Variants in LACTBL1 observed in about 807,000 individuals in gnomAD.
LACTBL1 encodes the protein beta-lactamase-like protein 1.
A neutral mutation model predicts 39.6 loss-of-function variants in LACTBL1; 29 were observed. That is an observed-to-expected ratio of 0.73 (90% CI 0.55 to 1.00). The LOEUF is 1.00. Ranked by LOEUF, LACTBL1 falls within the 50% of genes least tolerant of loss-of-function variation. The pLI, the probability that LACTBL1 is intolerant of heterozygous loss-of-function variation, is 0.00. For synonymous variants in LACTBL1, 361 were observed against 360.7 expected, an observed-to-expected ratio of 1.00 and a Z score of -0.01; for missense variants, 711 against 748.5, an observed-to-expected ratio of 0.95 and a Z score of 0.59.
intron 1 of LACTBL1, among the ~76,000 whole-genome samples, chr1:22,964,257 A>T (rs1187144687): frequency 6.6e-6 from 1 of 152,210 alleles, no homozygotes; most frequent in Non-Finnish European, 1.5e-5. Flanking sequence ...AAATTCTGTC[A>T]GCTCCTTCCA....
chr1:22,958,213 G>A (rs1224845668), intron 4 of LACTBL1, among the ~76,000 whole-genome samples: 2 of 151,906 alleles, frequency 1.3e-5, no homozygotes. Context: ...AGCCTCCCGA[G>A]TAGCTAAGAC....
At chr1:22,956,615 A>G (rs1052552076) in intron 4 of LACTBL1, among the ~76,000 whole-genome samples, 4 of 152,094 alleles carry the variant, frequency 2.6e-5, no homozygotes, top group African/African-American at 4.8e-5. Context: ...ACCTGTGTCA[A>G]TCACAGCAAA....
exon 6 of LACTBL1, chr1:22,953,678 A>C: frequency 7.8e-7 from 1 of 1,279,196 alleles, no homozygotes; most frequent in Non-Finnish European, 9.8e-7. Context: ...GCGCCCGGGC[A>C]GGCCAGCAGC....
chr1:22,953,641 G>A (rs1447925805), exon 6 of LACTBL1: 1 of 1,270,814 alleles, frequency 7.9e-7, no homozygotes, highest in Non-Finnish European at 9.9e-7. Flanking sequence ...GAACTCCCAC[G>A]GCGTGCCCGT....
chr1:22,962,080 C>G (rs1324723949), intron 2 of LACTBL1, among the ~76,000 whole-genome samples: 3 of 152,122 alleles, frequency 2.0e-5, no homozygotes, highest in Non-Finnish European at 4.4e-5. Flanking sequence ...GTCTCCTTCT[C>G]TATAGATAGG....
chr1:22,971,575 C>T, the LACTBL1 span, among the ~76,000 whole-genome samples: 1 of 152,168 alleles, frequency 6.6e-6, no homozygotes, highest in African/African-American at 2.4e-5. Flanking sequence ...CTCATGCTCA[C>T]GGCCCACTCT....
the LACTBL1 span, chr1:22,972,366 C>T: frequency 1.0e-6 from 1 of 985,046 alleles, no homozygotes; most frequent in Non-Finnish European, 1.2e-6. Context: ...CAGGTCTACA[C>T]CACAGGAGAT....
At chr1:22,965,235 C>T in intron 1 of LACTBL1, 55 bp downstream of exon 3, 1 of 1,290,130 alleles carries the variant, frequency 7.8e-7, no homozygotes, top group Non-Finnish European at 9.9e-7. Context: ...CAGCTCAAAG[C>T]CCAGGAGGAC....
upstream of LACTBL1, among the ~76,000 whole-genome samples, chr1:22,967,646 G>T (rs182554): frequency 0.24 from 33,102 of 138,330 alleles, 4,335 homozygotes; most frequent in African/African-American, 0.4. Context: ...TATATATATA[G>T]AGAGAGAGAG....
chr1:22,966,670 C>G (rs1482168759), upstream of LACTBL1, among the ~76,000 whole-genome samples: 1 of 152,220 alleles, frequency 6.6e-6, no homozygotes, highest in Non-Finnish European at 1.5e-5. Context: ...CCAGCTCTCT[C>G]CCCTCTACTT....
chr1:22,959,040 C>T, intron 3 of LACTBL1, 120 bp from the exon 6 acceptor site: 1 of 638,796 alleles, frequency 1.6e-6, no homozygotes. Flanking sequence ...CTGCTTAAGT[C>T]AACATCTCCA....
intron 1 of LACTBL1, among the ~76,000 whole-genome samples, chr1:22,964,885 A>T (rs1640861656): frequency 6.6e-6 from 1 of 152,176 alleles, no homozygotes. Context: ...GCCCCTGAAC[A>T]CCTGTGAGTT....
exon 6 of LACTBL1, chr1:22,953,418 C>T (rs2124220700): frequency 2.4e-6 from 3 of 1,227,604 alleles, no homozygotes; most frequent in African/African-American, 3.1e-5. Context: ...CGGTGGGCGG[C>T]GGAGCCGGGC....
Position 22,955,455 on chromosome 1 carries a change from G to A in LACTBL1, c.554-29C>T, listed in dbSNP as rs761641056. The A allele has an allele frequency of 3.6e-5, 53 of 1,489,876 alleles. 1 individual carries two copies. The highest frequency in any genetic ancestry group is 2.8e-4 in the African/African-American group (20 of 71,970). 92.3% of individuals were successfully genotyped at this position (1,489,876 alleles called of 1,614,324 possible). On this transcript the variant is annotated intron_variant, in intron 4 of 5. Transcript: ENST00000426928. ...GGGAGGAGCAGTGGTCAGACTTACC[G>A]GGCCCGGCTGAGGGTGGGATGGTGG...
At chr1:22,965,917 A>G (rs1390411082), upstream of LACTBL1, among the ~76,000 whole-genome samples, 1 of 152,174 alleles carries the variant, frequency 6.6e-6, no homozygotes, top group Non-Finnish European at 1.5e-5. Flanking sequence ...CAGAAAGTAC[A>G]TTACAGGTTG....
exon 6 of LACTBL1, chr1:22,953,493 C>G: frequency 1.6e-6 from 2 of 1,230,652 alleles, no homozygotes; most frequent in Non-Finnish European, 2.0e-6. Context: ...CCCGCGCCAC[C>G]AGGTCGGGCC....
At chr1:22,967,550 C>T (rs972509955), upstream of LACTBL1, among the ~76,000 whole-genome samples, 2 of 146,560 alleles carry the variant, frequency 1.4e-5, no homozygotes, top group Admixed American at 6.8e-5. Flanking sequence ...CTGTTTCTCT[C>T]TCTCTCTCCA....
At chr1:22,958,982 C>G in intron 3 of LACTBL1, 62 bp from the exon 6 acceptor site, 1 of 1,107,618 alleles carries the variant, frequency 9.0e-7, no homozygotes, top group African/African-American at 1.6e-5. Context: ...AACCCACCTC[C>G]TGCCCCCATC....
intron 1 of LACTBL1, 83 bp from the exon 4 acceptor site, chr1:22,963,299 G>C (rs1640845357): frequency 1.3e-6 from 1 of 742,634 alleles, no homozygotes; most frequent in Admixed American, 4.2e-5. Context: ...GGCCAGAGCA[G>C]TGCCTCAAGG....
Sources: allele counts gnomAD v4.1 joint callset (sites outside exome capture counted in the v4.1 genomes callset), GRCh38; gene constraint gnomAD v4.1.1; transcripts MANE v1.5; gene names NCBI Gene and HGNC (gene_info 2026-07-23, HGNC 2026-07-21).